SMARCC2: variants seen among roughly 807,000 people sequenced by gnomAD.
The protein encoded by SMARCC2 is SWI/SNF complex subunit SMARCC2.
Under a neutral mutation model 151.3 loss-of-function variants are expected in SMARCC2, and 15 were observed. The observed-to-expected ratio is 0.10, with a 90% CI of 0.07 to 0.15. SMARCC2 has a LOEUF of 0.15. SMARCC2 is among the 10% of genes least tolerant of loss of function. The probability of loss-of-function intolerance (pLI) is 1.00; values close to 1 mark genes in which losing one functional copy is unlikely to be tolerated. For missense variants in SMARCC2, 1,031 were observed against 1,599.7 expected (o/e 0.64, Z 6.06); for synonymous variants, 590 against 609.5 (o/e 0.97, Z 0.47).
At chr12:56,172,891 A>G (rs375260225) in intron 18 of SMARCC2, 46 bp downstream of exon 18, 122 of 1,598,888 alleles carry the variant, frequency 7.6e-5, no homozygotes, top group East Asian at 2.7e-4. Context: ...GGGCCCCCCA[A>G]TAAAGGGGAA....
chr12:56,165,223 T>G, intron 27 of SMARCC2, 95 bp downstream of exon 27: 2 of 1,382,956 alleles, frequency 1.4e-6, no homozygotes, highest in Non-Finnish European at 1.9e-6. Flanking sequence ...GAGGCTAACC[T>G]CATCTCCACA....
intron 3 of SMARCC2, 130 bp from the exon 4 acceptor site, chr12:56,185,241 C>A: frequency 1.4e-6 from 1 of 699,366 alleles, no homozygotes; most frequent in Non-Finnish European, 2.5e-6. Context: ...TGCAGTGGCG[C>A]GATCCCGGCT....
Position 56,171,620 on chromosome 12 carries a change from G to A in SMARCC2, c.2185+59C>T, listed in dbSNP as rs1873973998. 1 of 1,519,080 alleles carries A rather than the reference G, an allele frequency of 6.6e-7. No individual in the cohort carries two copies. Among genetic ancestry groups the A allele is most frequent in the Admixed American group, 2.2e-5 (1 of 46,116 alleles). 94.1% of individuals were successfully genotyped at this position (1,519,080 alleles called of 1,614,324 possible). A position where few individuals can be genotyped will look rare whatever the true frequency, so the allele number is the denominator to read the frequency against. ...AAACTTGAGAGGATTCACAGTCTGA[G>A]TAACTAGCCCTTCAAAAGCAAACTA... is the stretch of plus-strand genomic sequence containing the variant. On this transcript the variant is annotated intron_variant, in intron 21 of 28. Coordinates refer to ENST00000550164, the MANE Select transcript of SMARCC2 (RefSeq NM_001330288.2). The surrounding 1 kb of genome is among the most constrained non-coding windows in gnomAD (Gnocchi z 4.2).
At chr12:56,164,783 C>A in intron 27 of SMARCC2, 52 bp from the exon 28 acceptor site, 1 of 1,407,222 alleles carries the variant, frequency 7.1e-7, no homozygotes, top group Non-Finnish European at 9.7e-7. Flanking sequence ...TTTTGCTTAA[C>A]AACTCACCTT....
At chr12:56,177,903 A>AG in intron 15 of SMARCC2, 119 bp downstream of exon 15, 1 of 708,020 alleles carries the variant, frequency 1.4e-6, no homozygotes, top group East Asian at 2.7e-5. Flanking sequence ...AGCCTAGCAT[A>AG]GTGCCTGGCT....
chr12:56,169,454 A>G, intron 25 of SMARCC2, 75 bp downstream of exon 25: 4 of 1,517,792 alleles, frequency 2.6e-6, no homozygotes, highest in Non-Finnish European at 3.6e-6. Flanking sequence ...TGAGTGAGGA[A>G]AGATTTCCTC....
intron 2 of SMARCC2, chr12:56,186,851 A>G: frequency 9.8e-6 from 2 of 203,324 alleles, no homozygotes; most frequent in South Asian, 1.6e-4. Context: ...ATGTTGCCCA[A>G]GATCACAGAG....
intron 27 of SMARCC2, 143 bp from the exon 28 acceptor site, chr12:56,164,874 C>T (rs1872499319): frequency 7.1e-6 from 5 of 705,762 alleles, no homozygotes; most frequent in South Asian, 5.8e-5. Flanking sequence ...CTGCAACCTC[C>T]GCCTCCCGGG....
rs1231543341 is a variant in SMARCC2 at position 56,180,425 on chromosome 12, TGGA to T, written c.1081+549_1081+551del. 1.2e-4 allele frequency among the ~76,000 whole-genome samples: 15 copies of T among 127,140 alleles called. No individual in the cohort carries two copies. In the East Asian group the frequency reaches 2.3e-3, roughly 20 times the overall value. 83.4% of individuals were successfully genotyped at this position (127,140 alleles called of 152,430 possible). A position where few individuals can be genotyped will look rare whatever the true frequency, so the allele number is the denominator to read the frequency against. Reference sequence around the variant, plus strand: ...TGCCCGGCCCTTTTTTTTTTTGAGATGGAGTTTTGCTCTTGTCGCCCAGGCTGG... The same window carrying T: ...TGCCCGGCCCTTTTTTTTTTTGAGATGTTTTGCTCTTGTCGCCCAGGCTGG... On this transcript the variant is annotated intron_variant, in intron 11 of 28. Coordinates refer to ENST00000550164, the MANE Select transcript of SMARCC2 (RefSeq NM_001330288.2).
chr12:56,165,300 C>T lies in SMARCC2; in HGVS notation c.3232+18G>A. On this transcript the variant is annotated intron_variant, in intron 27 of 28. Coordinates refer to ENST00000550164, the MANE Select transcript of SMARCC2 (RefSeq NM_001330288.2). ...TGGATTCCTCTAGCCAACAAAAGTTCTGGAACATAACACTTACCATGGGGT... is the reference window on the plus strand; with the variant it reads ...TGGATTCCTCTAGCCAACAAAAGTTTTGGAACATAACACTTACCATGGGGT... 1 of 1,476,792 alleles carries T rather than the reference C, an allele frequency of 6.8e-7. No individual in the cohort carries two copies. Among genetic ancestry groups the T allele is most frequent in the Non-Finnish European group, 8.9e-7 (1 of 1,119,058 alleles). 91.5% of individuals were successfully genotyped at this position (1,476,792 alleles called of 1,614,324 possible). A position where few individuals can be genotyped will look rare whatever the true frequency, so the allele number is the denominator to read the frequency against.
chr12:56,181,746 G>C lies in SMARCC2; in HGVS notation c.798C>G (p.Val266=). Residue 266 remains valine (V), a synonymous_variant, in exon 9 of 29, where the codon GTC becomes GTG. Coordinates refer to ENST00000550164, the MANE Select transcript of SMARCC2 (RefSeq NM_001330288.2). ...TGGCTGAAATCTTCTTTCGGCGGGAGACAGGGTTTTTGTCATCATTTACTT... is the reference window on the plus strand; with the variant it reads ...TGGCTGAAATCTTCTTTCGGCGGGACACAGGGTTTTTGTCATCATTTACTT... ...DYEVNDDKNP[V]SRRKKISAKT... 6.2e-7 allele frequency: 1 copy of C among 1,614,186 alleles called. No individual in the cohort carries two copies. Among genetic ancestry groups the C allele is most frequent in the African/African-American group, 1.3e-5 (1 of 75,012 alleles).
At chr12:56,172,232 C>T in intron 20 of SMARCC2, 196 bp downstream of exon 20, 1 of 556,396 alleles carries the variant, frequency 1.8e-6, no homozygotes, top group Non-Finnish European at 3.1e-6. Context: ...AGGTGTGTGC[C>T]ACCACACCTG....
chr12:56,178,744 G>A, intron 13 of SMARCC2, 66 bp downstream of exon 13: 1 of 1,553,350 alleles, frequency 6.4e-7, no homozygotes, highest in Non-Finnish European at 8.9e-7. Flanking sequence ...AGTTTGGGCA[G>A]AATGAACTTT....
At chr12:56,176,800 C>T (rs558346658) in intron 15 of SMARCC2, among the ~76,000 whole-genome samples, 69 of 151,914 alleles carry the variant, frequency 4.5e-4, no homozygotes, top group African/African-American at 1.6e-3. Flanking sequence ...GCCACCACGC[C>T]CGGCTAATTT....
chr12:56,168,381 CTT>C (rs545900697), intron 25 of SMARCC2, among the ~76,000 whole-genome samples, 187 bp from the exon 26 acceptor site: 8 of 142,544 alleles, frequency 5.6e-5, no homozygotes, highest in African/African-American at 5.1e-5. Flanking sequence ...TTTCTTTTTT[CTT>C]TTTTTTTTTT....
Position 56,174,631 on chromosome 12 carries a change from C to T in SMARCC2, c.1496+20G>A, listed in dbSNP as rs375203934. The T allele has an allele frequency of 6.3e-5, 96 of 1,530,452 alleles. No individual in the cohort carries two copies. The highest frequency in any genetic ancestry group is 8.3e-5 in the Non-Finnish European group (92 of 1,104,858). 94.8% of individuals were successfully genotyped at this position (1,530,452 alleles called of 1,614,324 possible). On this transcript the variant is annotated intron_variant, in intron 16 of 28. Transcript: ENST00000550164. The stretch of plus-strand genomic sequence containing the variant: ...GCAGGCATCCTCATGTACCCCCTTC[C>T]CCTCAGCCACAAGACCCACCTCATG...
chr12:56,178,765 A>C, intron 13 of SMARCC2, 45 bp downstream of exon 13: 2 of 1,592,178 alleles, frequency 1.3e-6, no homozygotes, highest in Non-Finnish European at 1.7e-6. Context: ...ATAATCACAA[A>C]TCAGAATCAC....
intron 26 of SMARCC2, among the ~76,000 whole-genome samples, chr12:56,167,098 A>G (rs1003272602): frequency 4.8e-4 from 71 of 148,674 alleles, no homozygotes; most frequent in Admixed American, 1.1e-3. Context: ...CTCACCTGTA[A>G]TCCGGCACTT....
intron 17 of SMARCC2, 49 bp from the exon 18 acceptor site, chr12:56,173,078 G>GC: frequency 1.3e-6 from 2 of 1,580,446 alleles, no homozygotes; most frequent in Admixed American, 3.3e-5. Context: ...AAATGACCAG[G>GC]CCAAGGCCCT....
Sources: allele counts gnomAD v4.1 joint callset (sites outside exome capture counted in the v4.1 genomes callset), GRCh38; gene constraint gnomAD v4.1.1; non-coding constraint Gnocchi (gnomAD v3.1); transcripts MANE v1.5; gene names NCBI Gene and HGNC (gene_info 2026-07-23, HGNC 2026-07-21).